KSR2: variants seen among roughly 807,000 people sequenced by gnomAD.
KSR2 encodes the protein kinase suppressor of ras 2.
KSR2 carries 25 observed loss-of-function variants against 107.8 expected under a neutral mutation model. The observed-to-expected ratio is 0.23, with a 90% CI of 0.17 to 0.32. KSR2 has a LOEUF of 0.32. KSR2 is among the 10% of genes least tolerant of loss of function. The pLI is 1.00. For missense variants in KSR2, 887 were observed against 1,268.9 expected, an observed-to-expected ratio of 0.70 and a Z score of 4.57; for synonymous variants, 480 against 507.0, an observed-to-expected ratio of 0.95 and a Z score of 0.71.
intron 4 of KSR2, among the ~76,000 whole-genome samples, chr12:117,688,110 T>C (rs1348089132): frequency 6.6e-6 from 1 of 152,210 alleles, no homozygotes; most frequent in Non-Finnish European, 1.5e-5. Flanking sequence ...CCGGGTGTGG[T>C]GGCTCACGCC....
At chr12:117,522,350 G>C (rs1308509032) in intron 14 of KSR2, among the ~76,000 whole-genome samples, 2 of 152,050 alleles carry the variant, frequency 1.3e-5, no homozygotes, top group Non-Finnish European at 2.9e-5. Flanking sequence ...GGGTGGTAAG[G>C]AACTGACCAG....
intron 5 of KSR2, among the ~76,000 whole-genome samples, chr12:117,637,682 T>TTTTTTTTTG: frequency 7.7e-6 from 1 of 130,622 alleles, no homozygotes; most frequent in Non-Finnish European, 1.6e-5. Context: ...TGGGTTTTTT[T>TTTTTTTTTG]TTTTTTTTTT....
intron 5 of KSR2, among the ~76,000 whole-genome samples, chr12:117,657,482 C>T (rs1884234263): frequency 6.6e-6 from 1 of 152,188 alleles, no homozygotes; most frequent in Non-Finnish European, 1.5e-5. Context: ...CCATGAATCC[C>T]AATCACCAAC....
chr12:117,909,544 C>T (rs1329666424), intron 1 of KSR2, among the ~76,000 whole-genome samples: 1 of 152,196 alleles, frequency 6.6e-6, no homozygotes, highest in Non-Finnish European at 1.5e-5. Flanking sequence ...ACTGACACGG[C>T]ATTAACCCTG....
intron 3 of KSR2, among the ~76,000 whole-genome samples, chr12:117,807,242 T>A (rs1891042577): frequency 1.3e-5 from 2 of 151,894 alleles, no homozygotes; most frequent in Non-Finnish European, 1.5e-5. Context: ...GGAAACCGAG[T>A]GTATTTTAGA....
At chr12:117,860,561 G>A (rs761255113) in intron 1 of KSR2, 130 bp from the exon 2 acceptor site, 12 of 864,778 alleles carry the variant, frequency 1.4e-5, no homozygotes, top group Non-Finnish European at 2.1e-5. Context: ...TTCCGCTACA[G>A]TGAGATCCAG....
At chr12:117,491,331 C>A (rs2137155851) in intron 14 of KSR2, among the ~76,000 whole-genome samples, 1 of 152,266 alleles carries the variant, frequency 6.6e-6, no homozygotes, top group Admixed American at 6.5e-5. Flanking sequence ...AGGTGCCTAC[C>A]ACCACGCCTG....
At chr12:117,585,814 T>A (rs183460062) in intron 5 of KSR2, among the ~76,000 whole-genome samples, 1 of 152,362 alleles carries the variant, frequency 6.6e-6, no homozygotes. Flanking sequence ...TAACAAGTCA[T>A]GCAGACACAG....
At chr12:117,482,239 A>G (rs1293960686) in intron 16 of KSR2, among the ~76,000 whole-genome samples, 1 of 152,020 alleles carries the variant, frequency 6.6e-6, no homozygotes, top group African/African-American at 2.4e-5. Flanking sequence ...TGTTTCAGCC[A>G]GCCCAGCCCA....
At chr12:117,858,603 C>T (rs899711052) in intron 2 of KSR2, among the ~76,000 whole-genome samples, 2 of 152,110 alleles carry the variant, frequency 1.3e-5, no homozygotes, top group African/African-American at 2.4e-5. Context: ...GGGAGCGCCT[C>T]GAGAGAGGAC....
intron 1 of KSR2, among the ~76,000 whole-genome samples, chr12:117,962,424 GGTTTT>G (rs893189619): frequency 4.0e-5 from 6 of 148,214 alleles, no homozygotes; most frequent in Admixed American, 7.0e-5. Flanking sequence ...CCATCGCCTG[GGTTTT>G]GTTTTGTTTT....
chr12:117,639,065 A>G (rs1319628951), intron 5 of KSR2, among the ~76,000 whole-genome samples: 1 of 152,058 alleles, frequency 6.6e-6, no homozygotes, highest in Non-Finnish European at 1.5e-5. Context: ...TTTATTTTAC[A>G]AAAAAGGCAG....
intron 4 of KSR2, among the ~76,000 whole-genome samples, chr12:117,673,585 A>G (rs1467218504): frequency 6.6e-6 from 1 of 152,144 alleles, no homozygotes; most frequent in Non-Finnish European, 1.5e-5. Flanking sequence ...AGTAGGGTGG[A>G]AAGAAATCCC....
intron 3 of KSR2, among the ~76,000 whole-genome samples, chr12:117,796,116 T>TG (rs144476901): frequency 0.035 from 5,386 of 152,032 alleles, 334 homozygotes; most frequent in African/African-American, 0.12. Context: ...TTTGTAGAGA[T>TG]GGGGGAGTCT....
intron 5 of KSR2, among the ~76,000 whole-genome samples, chr12:117,592,933 G>T (rs568071336): frequency 6.6e-6 from 1 of 152,296 alleles, no homozygotes; most frequent in African/African-American, 2.4e-5. Context: ...CTAAAGATGA[G>T]ACATGTTTGA....
chr12:117,809,990 T>A (rs1288413817), intron 3 of KSR2, among the ~76,000 whole-genome samples: 2 of 152,148 alleles, frequency 1.3e-5, no homozygotes, highest in Non-Finnish European at 2.9e-5. Flanking sequence ...GCTGTGGGCA[T>A]TTGTGAGGTT....
At chr12:117,612,066 G>A (rs1593050083) in intron 5 of KSR2, among the ~76,000 whole-genome samples, 1 of 152,170 alleles carries the variant, frequency 6.6e-6, no homozygotes, top group East Asian at 1.9e-4. Context: ...ACAACAATGT[G>A]AATGTACTTG....
intron 5 of KSR2, among the ~76,000 whole-genome samples, chr12:117,609,952 G>GA (rs150936568): frequency 6.6e-6 from 1 of 152,082 alleles, no homozygotes; most frequent in Admixed American, 6.5e-5. Flanking sequence ...TCCCTTTATG[G>GA]AAAAAGCTTG....
Position 117,656,957 on chromosome 12 carries a change from T to TAA in KSR2, c.1171+10515_1171+10516dup, listed in dbSNP as rs1555225266. ...ATATAATAGGATATATATATATATA[T>TAA]AATAGGATATATATATATAATAGGA... On this transcript the variant is annotated intron_variant, in intron 5 of 19. Coordinates refer to ENST00000339824, the MANE Select transcript of KSR2 (RefSeq NM_173598.6). Among the ~76,000 whole-genome samples, 20 of 92,896 alleles carry TAA rather than the reference T, an allele frequency of 2.2e-4. 1 individual carries two copies. In the East Asian group the frequency reaches 2.5e-3, roughly 12 times the overall value. The allele number at this position is 92,896 out of a possible 152,430, so 60.9% of individuals were successfully genotyped here.
Sources: allele counts gnomAD v4.1 joint callset (sites outside exome capture counted in the v4.1 genomes callset), GRCh38; gene constraint gnomAD v4.1.1; transcripts MANE v1.5; gene names NCBI Gene and HGNC (gene_info 2026-07-23, HGNC 2026-07-21).